The following DNAJC1 variants were observed in gnomAD, a reference collection of about 807,000 sequenced individuals.
The protein encoded by DNAJC1 is dnaJ homolog subfamily C member 1.
A neutral mutation model predicts 76.6 loss-of-function variants in DNAJC1; 58 were observed. The ratio of observed to expected loss-of-function variants is 0.76; its 90% CI spans 0.61 to 0.94. The LOEUF (loss-of-function observed/expected upper bound fraction) is 0.94, where lower values mean the gene tolerates loss of function less well. DNAJC1 is among the 40% of genes least tolerant of loss of function. The pLI is 0.00. For synonymous variants in DNAJC1, 258 were observed against 267.9 expected (o/e 0.96, Z 0.36); for missense variants, 689 against 677.3 (o/e 1.02, Z -0.19).
At chr10:21,935,196 A>G (rs1564831957) in intron 1 of DNAJC1, among the ~76,000 whole-genome samples, 1 of 152,218 alleles carries the variant, frequency 6.6e-6, no homozygotes, top group Non-Finnish European at 1.5e-5. Context: ...CTCTAAATCA[A>G]TTATTTTAAA....
intron 8 of DNAJC1, among the ~76,000 whole-genome samples, chr10:21,861,711 T>G (rs1336342103): frequency 6.6e-6 from 1 of 151,888 alleles, no homozygotes; most frequent in Non-Finnish European, 1.5e-5. Context: ...ACTGCTACAC[T>G]CCCACCAGCA....
At chr10:21,767,033 G>A (rs1039077709) in intron 9 of DNAJC1, among the ~76,000 whole-genome samples, 38 of 147,328 alleles carry the variant, frequency 2.6e-4, no homozygotes, top group African/African-American at 9.5e-4. Flanking sequence ...TTTAAACCTA[G>A]AATTTCCAGA....
intron 7 of DNAJC1, among the ~76,000 whole-genome samples, chr10:21,898,795 T>C (rs1432574073): frequency 1.3e-5 from 2 of 151,508 alleles, no homozygotes; most frequent in South Asian, 2.1e-4. Context: ...GAATATACTA[T>C]ACTTCCTAAC....
At chr10:21,922,954 A>G (rs1005649867) in intron 3 of DNAJC1, among the ~76,000 whole-genome samples, 1 of 152,010 alleles carries the variant, frequency 6.6e-6, no homozygotes, top group Non-Finnish European at 1.5e-5. Context: ...GTATAACTAA[A>G]CTATAGCAGA....
At chr10:21,920,454 A>C (rs1837022645) in intron 4 of DNAJC1, among the ~76,000 whole-genome samples, 1 of 151,952 alleles carries the variant, frequency 6.6e-6, no homozygotes, top group African/African-American at 2.4e-5. Context: ...TCATTATATA[A>C]AGGCCTGTGA....
chr10:21,829,032 T>TTA (rs1370225677), intron 8 of DNAJC1, among the ~76,000 whole-genome samples: 1 of 152,068 alleles, frequency 6.6e-6, no homozygotes, highest in Non-Finnish European at 1.5e-5. Flanking sequence ...TTCCATCCCT[T>TTA]TACTTTCTTT....
intron 9 of DNAJC1, among the ~76,000 whole-genome samples, chr10:21,778,487 T>TA (rs777055092): frequency 3.3e-5 from 5 of 152,198 alleles, no homozygotes; most frequent in African/African-American, 7.2e-5. Flanking sequence ...CTGAGAATGT[T>TA]AGTTTGTATA....
At chr10:21,779,945 C>T (rs936120295) in intron 9 of DNAJC1, among the ~76,000 whole-genome samples, 1 of 152,086 alleles carries the variant, frequency 6.6e-6, no homozygotes, top group Non-Finnish European at 1.5e-5. Flanking sequence ...CTACGTGATG[C>T]ATGCACAAGT....
chr10:21,938,903 T>C (rs1370334504), intron 1 of DNAJC1, among the ~76,000 whole-genome samples: 2 of 152,202 alleles, frequency 1.3e-5, no homozygotes, highest in Non-Finnish European at 2.9e-5. Context: ...TGTTTGTTTG[T>C]TTGTTTGAGA....
intron 8 of DNAJC1, among the ~76,000 whole-genome samples, chr10:21,809,412 T>G (rs1409922774): frequency 6.6e-6 from 1 of 151,690 alleles, no homozygotes; most frequent in East Asian, 1.9e-4. Context: ...GAAGCTAAAA[T>G]TTTGGATTCA....
intron 3 of DNAJC1, among the ~76,000 whole-genome samples, chr10:21,925,800 C>A (rs1156436359): frequency 6.6e-6 from 1 of 152,144 alleles, no homozygotes; most frequent in African/African-American, 2.4e-5. Flanking sequence ...GGAACTACGG[C>A]AAATGGGCTA....
chr10:21,841,686 T>C (rs1332768966), intron 8 of DNAJC1, among the ~76,000 whole-genome samples: 2 of 152,150 alleles, frequency 1.3e-5, no homozygotes, highest in African/African-American at 4.8e-5. Context: ...ATTGTGGAAG[T>C]CAGTGTGGCG....
intron 1 of DNAJC1, among the ~76,000 whole-genome samples, chr10:22,000,700 T>A (rs1376333562): frequency 1.3e-5 from 2 of 152,244 alleles, no homozygotes; most frequent in African/African-American, 4.8e-5. Flanking sequence ...GTGAGGTGAT[T>A]ATATCACGAA....
chr10:21,913,257 C>T (rs1167976938), intron 6 of DNAJC1, among the ~76,000 whole-genome samples: 1 of 151,808 alleles, frequency 6.6e-6, no homozygotes, highest in African/African-American at 2.4e-5. Flanking sequence ...ATTATGCTAC[C>T]GAGAAATGTA....
At chr10:21,847,091 C>T (rs1835672498) in intron 8 of DNAJC1, among the ~76,000 whole-genome samples, 1 of 152,076 alleles carries the variant, frequency 6.6e-6, no homozygotes, top group African/African-American at 2.4e-5. Flanking sequence ...TCTTATTCCT[C>T]AATGTTCAGC....
At chr10:21,805,722 G>C (rs1257015747) in intron 9 of DNAJC1, among the ~76,000 whole-genome samples, 1 of 151,982 alleles carries the variant, frequency 6.6e-6, no homozygotes, top group African/African-American at 2.4e-5. Flanking sequence ...ATAAAAACTG[G>C]CATTGTTTTC....
At chr10:21,798,476 C>T (rs556474815) in intron 9 of DNAJC1, among the ~76,000 whole-genome samples, 49 of 152,292 alleles carry the variant, frequency 3.2e-4, no homozygotes, top group Admixed American at 2.4e-3. Context: ...CCTACTCATG[C>T]CTTAGCCATA....
intron 1 of DNAJC1, among the ~76,000 whole-genome samples, chr10:21,980,067 T>C (rs1838128462): frequency 6.6e-6 from 1 of 152,062 alleles, no homozygotes; most frequent in African/African-American, 2.4e-5. Context: ...GTCCTTAGGT[T>C]ATCTAGTCTA....
At chr10:21,968,703 G>C (rs1485219173) in intron 1 of DNAJC1, among the ~76,000 whole-genome samples, 1 of 151,736 alleles carries the variant, frequency 6.6e-6, no homozygotes, top group African/African-American at 2.4e-5. Context: ...GTAGAGACAG[G>C]GTTTCACCGT....
Sources: allele counts gnomAD v4.1 joint callset (sites outside exome capture counted in the v4.1 genomes callset), GRCh38; gene constraint gnomAD v4.1.1; transcripts MANE v1.5; gene names NCBI Gene and HGNC (gene_info 2026-07-23, HGNC 2026-07-21).